The following ETS2 variants were observed in gnomAD, a reference collection of about 807,000 sequenced individuals.
The protein encoded by ETS2 is ETS proto-oncogene 2, transcription factor, also known as protein C-ets-2.
In ETS2, 19 loss-of-function variants were observed where a neutral mutation model predicts 54.9. The observed-to-expected ratio is 0.35, with a 90% CI of 0.24 to 0.51. ETS2 has a LOEUF of 0.51. Ranked by LOEUF, ETS2 falls within the 20% of genes least tolerant of loss-of-function variation. The pLI is 0.97. For missense variants in ETS2, 417 were observed against 593.0 expected (o/e 0.70, Z 3.08); for synonymous variants, 219 against 229.3 (o/e 0.95, Z 0.41).
rs780641610 is a variant in ETS2 at position 38,814,903 on chromosome 21, G to A, written c.427G>A (p.Gly143Ser). 1.2e-6 allele frequency: 2 copies of A among 1,614,182 alleles called. No individual in the cohort carries two copies. Among genetic ancestry groups the A allele is most frequent in the Admixed American group, 1.7e-5 (1 of 60,022 alleles). ...GAATGGCCAGATGCTGTGTAACCTT[G>A]GCAAGGAACGCTTTCTGGAGCTGGC... ...GMNGQMLCNL[G>S]KERFLELAPD... Residue 143 changes from glycine to serine, a missense_variant, in exon 5 of 10, where the codon GGC becomes AGC. Gly to Ser is a moderately conservative substitution (Grantham distance 56). This residue lies in a region of ETS2 where 326 missense variants were observed against 426.1 expected (regional missense o/e 0.76). Transcript: ENST00000360938. This position sits in a 1 kb window ranked among gnomAD's most constrained non-coding sequence, Gnocchi z 4.2.
chr21:38,817,126 T>C (rs1466422618), intron 6 of ETS2, 35 bp downstream of exon 6: 2 of 1,344,108 alleles, frequency 1.5e-6, no homozygotes, highest in South Asian at 2.4e-5. Context: ...AAGAACTTTG[T>C]CTTCAGTCTT....
chr21:38,805,809 C>G, upstream of ETS2: 1 of 902,708 alleles, frequency 1.1e-6, no homozygotes, highest in Non-Finnish European at 1.4e-6. The surrounding 1 kb of genome is among the most constrained non-coding windows in gnomAD (Gnocchi z 5.2). Flanking sequence ...CCCTTCCCTC[C>G]CCTCTCTCTT....
At chr21:38,813,511 C>T (rs2060921494) in intron 3 of ETS2, among the ~76,000 whole-genome samples, 1 of 152,220 alleles carries the variant, frequency 6.6e-6, no homozygotes, top group South Asian at 2.1e-4. Context: ...ATCTCCCCTG[C>T]CCTGAGTTTT....
chr21:38,814,223 G>C lies in ETS2; in HGVS notation c.185-50G>C, dbSNP rs2060923996. On this transcript the variant is annotated intron_variant, in intron 3 of 9. Coordinates refer to ENST00000360938, the MANE Select transcript of ETS2 (RefSeq NM_005239.6). The surrounding 1 kb of genome is among the most constrained non-coding windows in gnomAD (Gnocchi z 4.2). ...AGATGTCTCTCCTAAATCTCCACCT[G>C]ATATCACCAACTTGAAGTCCTAATG... The C allele has an allele frequency of 6.3e-7, 1 of 1,590,244 alleles. No individual in the cohort carries two copies. Among genetic ancestry groups the C allele is most frequent in the Non-Finnish European group, 8.6e-7 (1 of 1,163,888 alleles).
At position 38,813,004 on chromosome 21, in the gene ETS2, G is replaced by C; in HGVS notation, c.74G>C (p.Arg25Pro). The C allele has an allele frequency of 6.2e-7, 1 of 1,609,814 alleles. No homozygotes were observed. The highest frequency in any genetic ancestry group is 8.5e-7 in the Non-Finnish European group (1 of 1,176,340). ...VANSYRGTLK[R>P]QPAFDTFDGS... Reference sequence around the variant, plus strand: ...TTTTTTTTCCATCTGTTTTTGCAGCGCCAGCCAGCCTTTGACACCTTTGAT... The same window carrying C: ...TTTTTTTTCCATCTGTTTTTGCAGCCCCAGCCAGCCTTTGACACCTTTGAT... Residue 25 changes from arginine to proline, a missense_variant and splice_region_variant, in exon 3 of 10, where the codon CGC (arginine) becomes CCC (proline). Arg to Pro is a moderately radical substitution (Grantham distance 103, BLOSUM62 -2). Around this residue, in one of 3 missense-constraint regions of ETS2, gnomAD observed 326 missense variants for 426.1 expected, o/e 0.76. Transcript: ENST00000360938.
At position 38,821,334 on chromosome 21, in the gene ETS2, G is replaced by A. The variant is rs150071097; in HGVS notation, c.1076-252G>A. On this transcript the variant is annotated intron_variant, in intron 8 of 9. Coordinates refer to ENST00000360938, the MANE Select transcript of ETS2 (RefSeq NM_005239.6). The surrounding 1 kb of genome is among the most constrained non-coding windows in gnomAD (Gnocchi z 4.2). ...TAGCAATCAAGGGGAAGAGTGTCTCGCCTAGTGACCTTATTTTCTAGGAGT... is the reference window on the plus strand; with the variant it reads ...TAGCAATCAAGGGGAAGAGTGTCTCACCTAGTGACCTTATTTTCTAGGAGT... Among the ~76,000 whole-genome samples the A allele has an allele frequency of 3.3e-5, 5 of 152,112 alleles. No homozygotes were observed. In the East Asian group the frequency reaches 7.8e-4, roughly 24 times the overall value.
intron 6 of ETS2, 56 bp downstream of exon 6, chr21:38,817,147 TTG>T: frequency 1.7e-6 from 2 of 1,169,856 alleles, no homozygotes; most frequent in Non-Finnish European, 2.6e-6. Context: ...CCCAGTAGAC[TTG>T]GAATCTCTCT....
Position 38,806,988 on chromosome 21 carries a change from A to C in ETS2, c.-1+868A>C, listed in dbSNP as rs540232317. 1.2e-4 allele frequency among the ~76,000 whole-genome samples: 19 copies of C among 152,328 alleles called. 1 individual carries two copies. The highest frequency in any genetic ancestry group is 4.3e-4 in the African/African-American group (18 of 41,564). ...AGCAGTCCCCTTTGGAGACAGGAGT[A>C]ATTTATTTTAATTCGCCAGTAAGAG... is the stretch of plus-strand genomic sequence containing the variant. On this transcript the variant is annotated intron_variant, in intron 1 of 9. Coordinates refer to ENST00000360938, the MANE Select transcript of ETS2 (RefSeq NM_005239.6). This position sits in a 1 kb window ranked among gnomAD's most constrained non-coding sequence, Gnocchi z 4.3.
At chr21:38,805,862 C>G, upstream of ETS2, 1 of 1,174,372 alleles carries the variant, frequency 8.5e-7, no homozygotes, top group Non-Finnish European at 1.1e-6. The surrounding 1 kb of genome is among the most constrained non-coding windows in gnomAD (Gnocchi z 5.2). Flanking sequence ...CTCGGCCGTC[C>G]CTCCTTCCTC....
At chr21:38,805,355 G>A (rs763043169), upstream of ETS2, 16 of 1,288,808 alleles carry the variant, frequency 1.2e-5, no homozygotes, top group South Asian at 1.2e-4. This position sits in a 1 kb window ranked among gnomAD's most constrained non-coding sequence, Gnocchi z 5.2. Context: ...GAATGGGGTC[G>A]GCTCAATTTC....
rs558527007 is a variant in ETS2 at position 38,818,535 on chromosome 21, C to G, written c.700C>G (p.Gln234Glu). The change falls in exon 7 of 10, where the codon CAG becomes GAG. Residue 234 changes from glutamine (Q) to glutamate (E), a missense_variant. Gln to Glu is a conservative substitution (Grantham distance 29, BLOSUM62 2). Coordinates refer to ENST00000360938, the MANE Select transcript of ETS2 (RefSeq NM_005239.6). ...CACACCCAGCGTACTCAGCTCTGAG[C>G]AGGAGTTTCAGATGTTCCCCAAGTC... ...ASTPSVLSSE[Q>E]EFQMFPKSRL... The G allele has an allele frequency of 2.6e-5, 42 of 1,614,188 alleles. No individual in the cohort carries two copies. The Admixed American group carries it at 4.3e-4, about 17-fold the overall frequency.
rs532798149 is a variant in ETS2, at chr21:38,806,063, C to G, written c.-58C>G. The G allele has an allele frequency of 2.6e-6, 3 of 1,171,586 alleles. No individual in the cohort carries two copies. The highest frequency in any genetic ancestry group is 3.2e-6 in the Non-Finnish European group (3 of 937,302). The allele number at this position is 1,171,586 out of a possible 1,614,324, so 72.6% of individuals were successfully genotyped here. A position where few individuals can be genotyped will look rare whatever the true frequency, so the allele number is the denominator to read the frequency against. The stretch of plus-strand genomic sequence containing the variant: ...CCTCGCCCGGCGCGCACCGAGCAGC[C>G]GCGGGCGCCGAGCAGCCACCGTCCC... On this transcript the variant is annotated 5_prime_UTR_variant, in exon 1 of 10. Coordinates refer to ENST00000360938, the MANE Select transcript of ETS2 (RefSeq NM_005239.6). The surrounding 1 kb of genome is among the most constrained non-coding windows in gnomAD (Gnocchi z 4.3).
At chr21:38,805,531 G>T (rs1356216565), upstream of ETS2, 1 of 1,287,084 alleles carries the variant, frequency 7.8e-7, no homozygotes, top group Admixed American at 2.3e-5. This position sits in a 1 kb window ranked among gnomAD's most constrained non-coding sequence, Gnocchi z 5.2. Context: ...ACACTCGCGC[G>T]CACGTGGGGC....
At chr21:38,808,716 C>A (rs990300156) in intron 1 of ETS2, among the ~76,000 whole-genome samples, 3 of 152,026 alleles carry the variant, frequency 2.0e-5, no homozygotes, top group African/African-American at 7.2e-5. Flanking sequence ...TTAAATAGTT[C>A]GGTGAGCCTT....
At chr21:38,809,717 C>T in intron 1 of ETS2, 1 of 270,410 alleles carries the variant, frequency 3.7e-6, no homozygotes, top group Non-Finnish European at 7.0e-6. Flanking sequence ...CCCAGGCCCT[C>T]TTGCCCTGCT....
At chr21:38,805,597 CAGCAGGA>C (rs1390153745), upstream of ETS2, 1 of 1,264,456 alleles carries the variant, frequency 7.9e-7, no homozygotes, top group African/African-American at 1.5e-5. This position sits in a 1 kb window ranked among gnomAD's most constrained non-coding sequence, Gnocchi z 5.2. Context: ...AGCCGAGTGA[CAGCAGGA>C]GGCGGAGGGA....
At position 38,808,579 on chromosome 21, in the gene ETS2, G is replaced by GGTGTGTGTGT. The variant is rs1274039519; in HGVS notation, c.1-1455_1-1446dup. 1.1e-4 allele frequency among the ~76,000 whole-genome samples: 7 copies of GGTGTGTGTGT among 65,200 alleles called. No homozygotes were observed. In the South Asian group the frequency reaches 1.3e-3, roughly 12 times the overall value. The allele number at this position is 65,200 out of a possible 152,430, so 42.8% of individuals were successfully genotyped here. ...CACCTGCTGCCTTTTAGCCAAGAGG[G>GGTGTGTGTGT]GTGTGTGTGTATGTGTGTGTGTGTG... On this transcript the variant is annotated intron_variant, in intron 1 of 9. Coordinates refer to ENST00000360938, the MANE Select transcript of ETS2 (RefSeq NM_005239.6).
At position 38,806,084 on chromosome 21, in the gene ETS2, G is replaced by T. The variant is rs1365602486; in HGVS notation, c.-37G>T. 5.4e-6 allele frequency: 6 copies of T among 1,100,924 alleles called. No individual in the cohort carries two copies. In the African/African-American group the frequency reaches 8.7e-5, roughly 16 times the overall value. 68.2% of individuals were successfully genotyped at this position (1,100,924 alleles called of 1,614,324 possible). ...CAGCCGCGGGCGCCGAGCAGCCACC[G>T]TCCCGACCAAGCGCCGGCCCTGCCC... On this transcript the variant is annotated 5_prime_UTR_variant, in exon 1 of 10. Transcript: ENST00000360938. This position sits in a 1 kb window ranked among gnomAD's most constrained non-coding sequence, Gnocchi z 4.3.
chr21:38,819,581 A>G lies in ETS2; in HGVS notation c.890A>G (p.Asn297Ser). The change falls in exon 8 of 10, where the codon AAC (asparagine) becomes AGC (serine). Residue 297 changes from asparagine (N) to serine (S), a missense_variant. Transcript: ENST00000360938. ...TCAGACTCCCTCCTCCAGTCCTGGA[A>G]CAGCCAGTCGTCCTTGCTGGATGTG... ...ESSDSLLQSW[N>S]SQSSLLDVQR... 8 of 1,613,778 alleles carry G rather than the reference A, an allele frequency of 5.0e-6. No homozygotes were observed. Among genetic ancestry groups the G allele is most frequent in the Non-Finnish European group, 6.8e-6 (8 of 1,179,966 alleles).
Sources: allele counts gnomAD v4.1 joint callset (sites outside exome capture counted in the v4.1 genomes callset), GRCh38; gene constraint gnomAD v4.1.1; regional missense constraint gnomAD v4.1.1; non-coding constraint Gnocchi (gnomAD v3.1); transcripts MANE v1.5; gene names NCBI Gene and HGNC (gene_info 2026-07-23, HGNC 2026-07-21).